CACNA2D3: variants seen among roughly 807,000 people sequenced by gnomAD.
CACNA2D3 encodes calcium voltage-gated channel auxiliary subunit alpha2delta 3.
In CACNA2D3, 60 loss-of-function variants were observed where a neutral mutation model predicts 160.6. The observed-to-expected ratio is 0.37, with a 90% CI of 0.30 to 0.46. CACNA2D3 has a LOEUF of 0.46. Among genes scored for constraint, CACNA2D3 ranks in the 20% least tolerant of loss-of-function variants. CACNA2D3 has a pLI of 1.00. For missense variants in CACNA2D3, 1,205 were observed against 1,365.0 expected (o/e 0.88, Z 1.85); for synonymous variants, 558 against 492.9 (o/e 1.13, Z -1.75).
chr3:54,420,643 A>C (rs1354573834), intron 4 of CACNA2D3, among the ~76,000 whole-genome samples: 1 of 152,192 alleles, frequency 6.6e-6, no homozygotes, highest in Non-Finnish European at 1.5e-5. Flanking sequence ...TTTGGGGGTT[A>C]TGACCATCAA....
At chr3:54,495,081 A>C (rs553985083) in intron 4 of CACNA2D3, among the ~76,000 whole-genome samples, 13 of 152,346 alleles carry the variant, frequency 8.5e-5, no homozygotes, top group African/African-American at 3.1e-4. Context: ...TGTGTCCTAG[A>C]AAGCAGACTG....
chr3:55,024,491 A>C (rs370806798), intron 35 of CACNA2D3, among the ~76,000 whole-genome samples: 1 of 152,090 alleles, frequency 6.6e-6, no homozygotes, highest in Non-Finnish European at 1.5e-5. Flanking sequence ...CTCTGCCCTT[A>C]TGAAAGGTAT....
chr3:54,291,461 G>A (rs1490671371), intron 2 of CACNA2D3, among the ~76,000 whole-genome samples: 2 of 152,078 alleles, frequency 1.3e-5, no homozygotes, highest in Non-Finnish European at 2.9e-5. Context: ...ATTGGTGAAA[G>A]CGCAAATCAC....
intron 2 of CACNA2D3, among the ~76,000 whole-genome samples, chr3:54,129,156 A>G (rs1699656781): frequency 6.6e-6 from 1 of 152,234 alleles, no homozygotes; most frequent in South Asian, 2.1e-4. Flanking sequence ...GTTGTTCTAT[A>G]ATGTAAAACC....
chr3:54,908,804 A>C (rs1050722887), intron 27 of CACNA2D3, among the ~76,000 whole-genome samples: 1 of 152,230 alleles, frequency 6.6e-6, no homozygotes, highest in African/African-American at 2.4e-5. Flanking sequence ...AGCCATGCCC[A>C]TATTGTCTGT....
intron 9 of CACNA2D3, among the ~76,000 whole-genome samples, chr3:54,608,872 T>G (rs1475748935): frequency 6.6e-6 from 1 of 152,136 alleles, no homozygotes; most frequent in Non-Finnish European, 1.5e-5. Flanking sequence ...GGGAGGTGAA[T>G]GGACCCCATG....
chr3:54,404,120 A>T (rs1278648371), intron 4 of CACNA2D3, among the ~76,000 whole-genome samples: 1 of 152,194 alleles, frequency 6.6e-6, no homozygotes, highest in African/African-American at 2.4e-5. Context: ...TGGAGGGAAT[A>T]CTTCCTAACA....
intron 23 of CACNA2D3, among the ~76,000 whole-genome samples, chr3:54,886,894 T>G (rs1266167241): frequency 1.3e-5 from 2 of 151,610 alleles, no homozygotes; most frequent in Non-Finnish European, 2.9e-5. Context: ...TTCATTGTCT[T>G]ACTGATAAGT....
chr3:55,074,088 T>TAACC (rs1559480526), intron 37 of CACNA2D3, 26 bp from the exon 38 acceptor site: 2 of 1,598,160 alleles, frequency 1.3e-6, no homozygotes, highest in South Asian at 1.1e-5. Flanking sequence ...TATTTCCGTC[T>TAACC]AACCAACCCC....
chr3:54,143,636 A>G (rs1016032044), intron 2 of CACNA2D3, among the ~76,000 whole-genome samples: 3 of 152,132 alleles, frequency 2.0e-5, no homozygotes, highest in South Asian at 4.1e-4. Context: ...AGTAGCTGGG[A>G]CTACAGGCGC....
rs181816885 is a variant in CACNA2D3, at chr3:54,860,960, T to C, written c.1627-10579T>C. On this transcript the variant is annotated intron_variant, in intron 17 of 37. Coordinates refer to ENST00000474759, the MANE Select transcript of CACNA2D3 (RefSeq NM_018398.3). ...CATAGGTCATTGTTATGCATGTGTT[T>C]ATTAAATGACTACATAGACTAATTT... Among the ~76,000 whole-genome samples the C allele has an allele frequency of 4.7e-4, 72 of 152,300 alleles. 1 individual carries two copies. Among genetic ancestry groups the C allele is most frequent in the Middle Eastern group, 6.8e-3 (2 of 294 alleles).
intron 3 of CACNA2D3, among the ~76,000 whole-genome samples, chr3:54,350,566 T>C (rs901076550): frequency 4.6e-5 from 7 of 152,208 alleles, no homozygotes; most frequent in Non-Finnish European, 8.8e-5. Flanking sequence ...AACTGCAAAA[T>C]AGTTCACACT....
At chr3:54,742,513 T>A (rs185944260) in intron 11 of CACNA2D3, among the ~76,000 whole-genome samples, 1 of 152,232 alleles carries the variant, frequency 6.6e-6, no homozygotes, top group East Asian at 1.9e-4. Context: ...AATATGGGGG[T>A]ATCCAATTCT....
chr3:54,231,331 T>A (rs1013518851), intron 2 of CACNA2D3, among the ~76,000 whole-genome samples: 4 of 152,212 alleles, frequency 2.6e-5, no homozygotes, highest in African/African-American at 9.6e-5. Context: ...CCAGCTAATT[T>A]CATGGAAGCA....
chr3:54,242,455 A>G (rs1701991165), intron 2 of CACNA2D3, among the ~76,000 whole-genome samples: 1 of 152,168 alleles, frequency 6.6e-6, no homozygotes, highest in Non-Finnish European at 1.5e-5. Flanking sequence ...ATAAAAATGA[A>G]ATGAAATGAA....
At chr3:54,302,491 G>T (rs756377306) in intron 2 of CACNA2D3, among the ~76,000 whole-genome samples, 14 of 152,188 alleles carry the variant, frequency 9.2e-5, no homozygotes, top group Non-Finnish European at 1.8e-4. Flanking sequence ...AAGATGGAAA[G>T]AGCGCTTGGT....
At chr3:54,215,507 C>T (rs1305397395) in intron 2 of CACNA2D3, among the ~76,000 whole-genome samples, 1 of 152,332 alleles carries the variant, frequency 6.6e-6, no homozygotes, top group East Asian at 1.9e-4. Flanking sequence ...AAAATTATTA[C>T]ACACATGTGG....
chr3:54,291,625 G>A (rs921026821), intron 2 of CACNA2D3, among the ~76,000 whole-genome samples: 4 of 152,058 alleles, frequency 2.6e-5, no homozygotes, highest in Non-Finnish European at 5.9e-5. Context: ...AGAGCCTGGC[G>A]GGAGCAGTTG....
intron 9 of CACNA2D3, among the ~76,000 whole-genome samples, chr3:54,590,327 A>G (rs1456623850): frequency 6.6e-6 from 1 of 152,214 alleles, no homozygotes; most frequent in Non-Finnish European, 1.5e-5. Context: ...AGCCAATATC[A>G]AAAGAACACA....
Sources: allele counts gnomAD v4.1 joint callset (sites outside exome capture counted in the v4.1 genomes callset), GRCh38; gene constraint gnomAD v4.1.1; transcripts MANE v1.5; gene names NCBI Gene and HGNC (gene_info 2026-07-23, HGNC 2026-07-21).